EYS: variants seen among roughly 807,000 people sequenced by gnomAD.
EYS encodes protein eyes shut homolog.
A neutral mutation model predicts 282.1 loss-of-function variants in EYS; 250 were observed. That is an observed-to-expected ratio of 0.89 (90% CI 0.80 to 0.98). EYS has a LOEUF of 0.98. Ranked by LOEUF, EYS falls within the 50% of genes least tolerant of loss-of-function variation. EYS has a pLI of 0.00. For missense variants in EYS, 4,016 were observed against 3,709.0 expected (o/e 1.08, Z -2.15); for synonymous variants, 1,355 against 1,282.9 (o/e 1.06, Z -1.20).
At chr6:64,923,263 A>G (rs1433619300) in intron 15 of EYS, among the ~76,000 whole-genome samples, 9 of 152,132 alleles carry the variant, frequency 5.9e-5, no homozygotes, top group African/African-American at 1.9e-4. Context: ...AAAATAAGGA[A>G]GAAGCAAAAG....
At chr6:65,322,323 C>T (rs1289093196) in intron 11 of EYS, among the ~76,000 whole-genome samples, 2 of 152,042 alleles carry the variant, frequency 1.3e-5, no homozygotes, top group Non-Finnish European at 2.9e-5. Context: ...CGATTAATAG[C>T]GTCATTTTGG....
intron 31 of EYS, among the ~76,000 whole-genome samples, chr6:64,227,940 C>G (rs900850906): frequency 1.3e-5 from 2 of 151,798 alleles, no homozygotes; most frequent in African/African-American, 4.8e-5. Flanking sequence ...AGGTTTTTAC[C>G]AGGCAATTGA....
intron 35 of EYS, among the ~76,000 whole-genome samples, chr6:63,892,542 A>G (rs1773435793): frequency 6.6e-6 from 1 of 152,206 alleles, no homozygotes; most frequent in African/African-American, 2.4e-5. Flanking sequence ...GAAAACTGAA[A>G]CTGGACCCCT....
chr6:65,012,810 C>CAA (rs3033918), intron 13 of EYS, among the ~76,000 whole-genome samples: 1,795 of 117,600 alleles, frequency 0.015, 13 homozygotes, highest in Middle Eastern at 0.029. Flanking sequence ...CCAAGTACAG[C>CAA]AAAAAAAAAA....
intron 41 of EYS, among the ~76,000 whole-genome samples, chr6:63,757,326 G>A (rs977274452): frequency 1.3e-5 from 2 of 151,972 alleles, no homozygotes; most frequent in Non-Finnish European, 2.9e-5. Flanking sequence ...TTACTAGGGT[G>A]GGGAAGAAAC....
intron 12 of EYS, among the ~76,000 whole-genome samples, chr6:65,140,682 G>A (rs1215579203): frequency 6.6e-6 from 1 of 151,832 alleles, no homozygotes; most frequent in Non-Finnish European, 1.5e-5. Flanking sequence ...GTGGGCAAAG[G>A]ATATGAACAG....
intron 28 of EYS, among the ~76,000 whole-genome samples, chr6:64,407,496 C>A (rs977224972): frequency 6.6e-6 from 1 of 151,834 alleles, no homozygotes; most frequent in Non-Finnish European, 1.5e-5. Context: ...AAGATAACAC[C>A]ATTTATGGCA....
chr6:64,457,658 G>A (rs866000000), intron 26 of EYS, among the ~76,000 whole-genome samples: 10 of 151,872 alleles, frequency 6.6e-5, no homozygotes, highest in Admixed American at 1.3e-4. Flanking sequence ...CATTTTATCC[G>A]AAATATGGAT....
chr6:64,012,298 A>C (rs955043317), intron 33 of EYS, among the ~76,000 whole-genome samples: 2 of 152,180 alleles, frequency 1.3e-5, no homozygotes, highest in East Asian at 3.9e-4. Flanking sequence ...TTTAAGATAG[A>C]AAGAGGGTAA....
At chr6:64,703,392 C>CACACAG (rs1482476164) in intron 22 of EYS, among the ~76,000 whole-genome samples, 2 of 27,664 alleles carry the variant, frequency 7.2e-5, no homozygotes, top group African/African-American at 2.0e-4. Flanking sequence ...GACACACACA[C>CACACAG]ACACACACAC....
chr6:65,075,233 A>G (rs1174264571), intron 12 of EYS, among the ~76,000 whole-genome samples: 1 of 151,974 alleles, frequency 6.6e-6, no homozygotes, highest in Admixed American at 6.6e-5. Flanking sequence ...CCAAGGGTGT[A>G]ATAATCTAAC....
intron 41 of EYS, among the ~76,000 whole-genome samples, chr6:63,761,560 T>C (rs1769642529): frequency 6.6e-6 from 1 of 152,052 alleles, no homozygotes; most frequent in Non-Finnish European, 1.5e-5. Flanking sequence ...TATTTTTTTC[T>C]TACACATATG....
chr6:64,094,128 T>A (rs1445413279), intron 31 of EYS, among the ~76,000 whole-genome samples: 3 of 152,078 alleles, frequency 2.0e-5, no homozygotes, highest in African/African-American at 7.2e-5. Context: ...GTGGATAAGC[T>A]TTTTGATGTG....
intron 12 of EYS, among the ~76,000 whole-genome samples, chr6:65,243,519 A>G (rs968924170): frequency 5.9e-5 from 9 of 152,130 alleles, no homozygotes; most frequent in African/African-American, 2.2e-4. Context: ...CTCAAATACC[A>G]CAGACTCTTG....
At chr6:65,127,809 C>A (rs1244778193) in intron 12 of EYS, among the ~76,000 whole-genome samples, 1 of 152,062 alleles carries the variant, frequency 6.6e-6, no homozygotes, top group African/African-American at 2.4e-5. Context: ...TGGGCTAAGA[C>A]CTCATATATT....
At chr6:64,760,135 C>T (rs1253037930) in intron 22 of EYS, among the ~76,000 whole-genome samples, 1 of 152,082 alleles carries the variant, frequency 6.6e-6, no homozygotes, top group East Asian at 1.9e-4. Flanking sequence ...TGATGCAGGC[C>T]ACAGTGCCCT....
intron 35 of EYS, among the ~76,000 whole-genome samples, chr6:63,953,029 A>G (rs945614834): frequency 6.6e-6 from 1 of 152,188 alleles, no homozygotes; most frequent in Non-Finnish European, 1.5e-5. Flanking sequence ...TGCCTTATCA[A>G]CCAAATTGTT....
chr6:64,032,239 C>A (rs139431808), intron 33 of EYS, among the ~76,000 whole-genome samples: 2 of 152,094 alleles, frequency 1.3e-5, no homozygotes, highest in African/African-American at 2.4e-5. Context: ...AAACTCCCGA[C>A]GCACCACCTT....
intron 22 of EYS, among the ~76,000 whole-genome samples, chr6:64,774,821 A>G (rs1321205502): frequency 6.6e-6 from 1 of 151,832 alleles, no homozygotes; most frequent in East Asian, 1.9e-4. Flanking sequence ...CCTTTCCTAA[A>G]TTTATGACCC....
Sources: allele counts gnomAD v4.1 joint callset (sites outside exome capture counted in the v4.1 genomes callset), GRCh38; gene constraint gnomAD v4.1.1; transcripts MANE v1.5; gene names NCBI Gene and HGNC (gene_info 2026-07-23, HGNC 2026-07-21).